The following MTFR2 variants were observed in gnomAD, a reference collection of about 807,000 sequenced individuals.
MTFR2 encodes mitochondrial fission regulator 2.
Under a neutral mutation model 41.2 loss-of-function variants are expected in MTFR2, and 44 were observed. The ratio of observed to expected loss-of-function variants is 1.07; its 90% confidence interval spans 0.84 to 1.37. The LOEUF is 1.37. MTFR2 is among the 40% of genes most tolerant of loss of function. The pLI, the probability that MTFR2 is intolerant of heterozygous loss-of-function variation, is 0.00. For missense variants in MTFR2, 452 were observed against 459.5 expected, an observed-to-expected ratio of 0.98 and a Z score of 0.15; for synonymous variants, 141 against 154.6, an observed-to-expected ratio of 0.91 and a Z score of 0.65.
intron 3 of MTFR2, among the ~76,000 whole-genome samples, chr6:136,243,673 A>G (rs542165510): frequency 4.8e-4 from 73 of 150,628 alleles, no homozygotes; most frequent in African/African-American, 1.7e-3. Flanking sequence ...TTATCACGCG[A>G]CTCCACTTCG....
intron 2 of MTFR2, chr6:136,247,534 T>C: frequency 4.4e-6 from 2 of 456,260 alleles, no homozygotes; most frequent in South Asian, 1.5e-5. Context: ...TCCAGAGTGA[T>C]GACAAATATG....
At chr6:136,233,282 C>T in intron 7 of MTFR2, 43 bp downstream of exon 7, 1 of 1,557,848 alleles carries the variant, frequency 6.4e-7, no homozygotes. Flanking sequence ...AACAACACAT[C>T]TGAGAAAAAC....
In MTFR2 at chr6:136,249,018, A is replaced by C. The variant is rs1156479713; in HGVS notation, c.63+19T>G. Reference sequence around the variant, plus strand: ...AGAACAAATACAACAGATCCATTCCAATCCAAAACGACATTTACCTGTTCT... The same window carrying C: ...AGAACAAATACAACAGATCCATTCCCATCCAAAACGACATTTACCTGTTCT... On this transcript the variant is annotated intron_variant, in intron 2 of 7. Transcript: ENST00000420702. 6.3e-7 allele frequency: 1 copy of C among 1,592,288 alleles called. No individual in the cohort carries two copies. Among genetic ancestry groups the C allele is most frequent in the African/African-American group, 1.4e-5 (1 of 73,644 alleles).
intron 5 of MTFR2, among the ~76,000 whole-genome samples, chr6:136,240,948 G>C (rs565254936): frequency 1.7e-4 from 26 of 152,106 alleles, no homozygotes; most frequent in Admixed American, 1.7e-3. Flanking sequence ...AAAATTAGCC[G>C]AGCGTGGTGG....
rs1186115384 is a variant in MTFR2, at chr6:136,249,493, C to T, written c.-54-340G>A. ...CTTTCCTGAAAGCTTTGGGCTGAGACTCTTAGCAGATGGGTGAGTTTAGCC... is the reference window on the plus strand; with the variant it reads ...CTTTCCTGAAAGCTTTGGGCTGAGATTCTTAGCAGATGGGTGAGTTTAGCC... On this transcript the variant is annotated intron_variant, in intron 1 of 7. Transcript: ENST00000420702. 2.6e-5 allele frequency among the ~76,000 whole-genome samples: 4 copies of T among 152,194 alleles called. No homozygotes were observed. The East Asian group carries it at 7.7e-4, about 29-fold the overall frequency.
intron 3 of MTFR2, 112 bp from the exon 4 acceptor site, chr6:136,243,085 A>C: frequency 1.6e-6 from 1 of 616,358 alleles, no homozygotes; most frequent in Admixed American, 3.8e-5. Context: ...AATAAAAAGA[A>C]TATTCAATAG....
intron 1 of MTFR2, among the ~76,000 whole-genome samples, chr6:136,249,562 T>C (rs1415490634): frequency 6.6e-6 from 1 of 152,054 alleles, no homozygotes; most frequent in African/African-American, 2.4e-5. Flanking sequence ...TTTAAAAAAA[T>C]AAACAGTAGC....
In MTFR2 at chr6:136,244,888, A is replaced by G; in HGVS notation, c.64-19T>C. The G allele has an allele frequency of 6.7e-7, 1 of 1,495,944 alleles. No individual in the cohort carries two copies. Among genetic ancestry groups the G allele is most frequent in the Non-Finnish European group, 9.2e-7 (1 of 1,081,888 alleles). The allele number at this position is 1,495,944 out of a possible 1,614,324, so 92.7% of individuals were successfully genotyped here. On this transcript the variant is annotated intron_variant, in intron 2 of 7. Coordinates refer to ENST00000420702, the MANE Select transcript of MTFR2 (RefSeq NM_001099286.3). ...GCAAAACCTATTTTAAACATAAAGT[A>G]TGAATTAAAATGCACTCTGATTAAG...
At chr6:136,240,876 G>A (rs1359580617) in intron 5 of MTFR2, among the ~76,000 whole-genome samples, 18 of 152,180 alleles carry the variant, frequency 1.2e-4, no homozygotes, top group Non-Finnish European at 2.1e-4. Context: ...CAGATCACGA[G>A]GTCAGGAGAT....
At chr6:136,233,246 G>T in intron 7 of MTFR2, 79 bp downstream of exon 7, 1 of 1,248,296 alleles carries the variant, frequency 8.0e-7, no homozygotes, top group Non-Finnish European at 1.1e-6. Context: ...TACTTCAAGA[G>T]AACTTGAACA....
intron 5 of MTFR2, among the ~76,000 whole-genome samples, chr6:136,241,017 G>C (rs1014329163): frequency 6.0e-5 from 9 of 149,670 alleles, no homozygotes; most frequent in Non-Finnish European, 1.0e-4. Flanking sequence ...CGTGAACCCG[G>C]GAGGTGGAGC....
At chr6:136,234,774 A>G (rs115799480) in intron 6 of MTFR2, among the ~76,000 whole-genome samples, 1,981 of 152,360 alleles carry the variant, frequency 0.013, 33 homozygotes, top group African/African-American at 0.045. Flanking sequence ...TCTAAGCTAG[A>G]TAAGAATGGG....
intron 6 of MTFR2, among the ~76,000 whole-genome samples, chr6:136,235,244 A>C (rs1025322691): frequency 2.6e-5 from 4 of 152,186 alleles, no homozygotes; most frequent in African/African-American, 4.8e-5. Flanking sequence ...CTAATATGCA[A>C]AAGACGTGGG....
At chr6:136,235,507 G>A (rs1430850789) in intron 6 of MTFR2, among the ~76,000 whole-genome samples, 4 of 152,094 alleles carry the variant, frequency 2.6e-5, no homozygotes, top group Non-Finnish European at 5.9e-5. Context: ...AGAGAAGAGA[G>A]GGGGCTGAGG....
At chr6:136,248,820 C>T (rs1780286000) in intron 2 of MTFR2, 1 of 497,644 alleles carries the variant, frequency 2.0e-6, no homozygotes, top group South Asian at 3.1e-5. Flanking sequence ...TTTGTATCTT[C>T]TGTTGGCATT....
intron 5 of MTFR2, among the ~76,000 whole-genome samples, chr6:136,240,469 A>G (rs946661634): frequency 1.2e-4 from 19 of 152,188 alleles, no homozygotes; most frequent in Non-Finnish European, 5.9e-5. Flanking sequence ...GTATATATAC[A>G]TATGTATTAA....
chr6:136,238,631 T>C (rs1279686444), intron 6 of MTFR2, among the ~76,000 whole-genome samples: 1 of 151,894 alleles, frequency 6.6e-6, no homozygotes, highest in African/African-American at 2.4e-5. Context: ...TACTGTATTA[T>C]ACACATAAAA....
At chr6:136,240,740 C>G (rs1583966700) in intron 5 of MTFR2, among the ~76,000 whole-genome samples, 1 of 152,330 alleles carries the variant, frequency 6.6e-6, no homozygotes, top group East Asian at 1.9e-4. Context: ...CCTATATCCT[C>G]TTTCAAACCA....
intron 6 of MTFR2, among the ~76,000 whole-genome samples, chr6:136,233,812 CAAAT>C (rs746709406): frequency 1.4e-5 from 2 of 142,488 alleles, no homozygotes; most frequent in Non-Finnish European, 3.1e-5. Context: ...TAGGAAAATT[CAAAT>C]AAATAAGAAC....
Sources: gnomAD v4.1 joint callset for allele counts (sites outside exome capture counted in the v4.1 genomes callset) on GRCh38, gnomAD v4.1.1 for gene constraint, MANE v1.5 for transcripts, NCBI Gene and HGNC (gene_info 2026-07-23, HGNC 2026-07-21) for gene names.